Variants in ZNF366 observed in about 807,000 individuals in gnomAD.
ZNF366 encodes the protein dendritic cell-specific transcript protein.
Under a neutral mutation model 47.2 loss-of-function variants are expected in ZNF366, and 20 were observed. That is an observed-to-expected ratio of 0.42 (90% CI 0.30 to 0.62). The LOEUF is 0.62. ZNF366 is among the 20% of genes least tolerant of loss of function. The pLI is 0.16. For synonymous variants in ZNF366, 421 were observed against 395.1 expected, an observed-to-expected ratio of 1.07 and a Z score of -0.78; for missense variants, 987 against 976.3, an observed-to-expected ratio of 1.01 and a Z score of -0.15.
chr5:72,477,873 CA>C (rs997366009), intron 1 of ZNF366, among the ~76,000 whole-genome samples: 57 of 142,980 alleles, frequency 4.0e-4, no homozygotes, highest in Admixed American at 5.6e-4. Context: ...ACTTTATTTA[CA>C]AAAAAAAAAA....
Position 72,483,399 on chromosome 5 carries a change from C to T in ZNF366, c.-14-21889G>A, listed in dbSNP as rs60663798. On this transcript the variant is annotated intron_variant, in intron 1 of 4. Transcript: ENST00000318442. ...CCCAGGGTAACAAGAGACCTATACC[C>T]ACCACTGTGGTGGGTCCCAGATGCT... Among the ~76,000 whole-genome samples, 276 of 152,210 alleles carry T rather than the reference C, an allele frequency of 1.8e-3. 14 individuals carry two copies. In the South Asian group the frequency reaches 0.048, roughly 27 times the overall value.
intron 1 of ZNF366, among the ~76,000 whole-genome samples, chr5:72,470,081 A>C (rs777651470): frequency 9.9e-5 from 15 of 152,230 alleles, no homozygotes; most frequent in Non-Finnish European, 2.2e-4. Context: ...GTAGTCTGCT[A>C]TCAGTGGACA....
chr5:72,453,888 C>T (rs757732738), intron 3 of ZNF366, among the ~76,000 whole-genome samples: 5 of 152,172 alleles, frequency 3.3e-5, no homozygotes, highest in African/African-American at 9.7e-5. Context: ...TTCACAAGAA[C>T]GCCCTTTCAC....
intron 1 of ZNF366, among the ~76,000 whole-genome samples, chr5:72,480,598 C>A (rs964003735): frequency 1.3e-5 from 2 of 152,018 alleles, no homozygotes; most frequent in Admixed American, 6.5e-5. Flanking sequence ...GGGAAATGAA[C>A]CTTTCAAGTT....
At chr5:72,495,878 C>T (rs536927038) in intron 1 of ZNF366, among the ~76,000 whole-genome samples, 2 of 152,306 alleles carry the variant, frequency 1.3e-5, no homozygotes, top group South Asian at 2.1e-4. Flanking sequence ...TGTTTCCTTA[C>T]ATCCCTGTCT....
In ZNF366 at chr5:72,481,122, G is replaced by A. The variant is rs543493190; in HGVS notation, c.-14-19612C>T. The stretch of plus-strand genomic sequence containing the variant: ...AAATAACAGCCGTAATAAAAAGCCC[G>A]TGCAGCCTCATGGTTAGCAAAGAAC... On this transcript the variant is annotated intron_variant, in intron 1 of 4. Coordinates refer to ENST00000318442, the MANE Select transcript of ZNF366 (RefSeq NM_152625.3). Among the ~76,000 whole-genome samples, 6 of 152,258 alleles carry A rather than the reference G, an allele frequency of 3.9e-5. No individual in the cohort carries two copies. In the East Asian group the frequency reaches 5.8e-4, roughly 15 times the overall value.
intron 3 of ZNF366, among the ~76,000 whole-genome samples, chr5:72,451,262 T>C (rs1743064961): frequency 6.6e-6 from 1 of 152,266 alleles, no homozygotes; most frequent in South Asian, 2.1e-4. Context: ...AGGAACACCG[T>C]CAGTGTGTCT....
At chr5:72,501,609 A>G (rs1744211669) in intron 1 of ZNF366, among the ~76,000 whole-genome samples, 1 of 152,212 alleles carries the variant, frequency 6.6e-6, no homozygotes. Flanking sequence ...AATTTACCCC[A>G]TGGTGTTTTG....
In ZNF366 at chr5:72,444,255, G is replaced by C. The variant is rs776345202; in HGVS notation, c.1736C>G (p.Ala579Gly). ...CTGCTCCAGACTCCTCAGGACACCGGCTGTCTGTGCCAGGGCGATTCTCCC... is the reference window on the plus strand; with the variant it reads ...CTGCTCCAGACTCCTCAGGACACCGCCTGTCTGTGCCAGGGCGATTCTCCC... Reference protein sequence around the residue: ...GRGRIALAQTAGVLRSLEQEE... With the variant: ...GRGRIALAQTGGVLRSLEQEE... Residue 579 changes from alanine (A) to glycine (G), a missense_variant, in exon 5 of 5, where the codon GCC (alanine) becomes GGC (glycine). Ala to Gly is a moderately conservative substitution (Grantham distance 60). Coordinates refer to ENST00000318442, the MANE Select transcript of ZNF366 (RefSeq NM_152625.3). 2 of 1,613,340 alleles carry C rather than the reference G, an allele frequency of 1.2e-6. No homozygotes were observed. Among genetic ancestry groups the C allele is most frequent in the Non-Finnish European group, 1.7e-6 (2 of 1,179,912 alleles).
intron 1 of ZNF366, among the ~76,000 whole-genome samples, chr5:72,503,473 C>A (rs1744255321): frequency 6.6e-6 from 1 of 152,026 alleles, no homozygotes; most frequent in South Asian, 2.1e-4. Context: ...CACAGATCAT[C>A]CCATGAAGTG....
At chr5:72,486,501 C>T (rs1277189563) in intron 1 of ZNF366, among the ~76,000 whole-genome samples, 1 of 152,200 alleles carries the variant, frequency 6.6e-6, no homozygotes, top group Non-Finnish European at 1.5e-5. Context: ...CCTACACCAC[C>T]ACACACAAAT....
At chr5:72,487,603 A>G (rs116159540) in intron 1 of ZNF366, among the ~76,000 whole-genome samples, 2,007 of 152,134 alleles carry the variant, frequency 0.013, 33 homozygotes, top group African/African-American at 0.046. Flanking sequence ...CTAGCTGCCA[A>G]GGGTCAACTA....
At chr5:72,462,509 T>TTC (rs1185038173) in intron 1 of ZNF366, among the ~76,000 whole-genome samples, 1 of 64,956 alleles carries the variant, frequency 1.5e-5, no homozygotes, top group Non-Finnish European at 2.6e-5. Context: ...CTTGCCAGTT[T>TTC]TCTTTCTTTC....
At chr5:72,490,721 C>T (rs1387969314) in intron 1 of ZNF366, among the ~76,000 whole-genome samples, 3 of 152,158 alleles carry the variant, frequency 2.0e-5, no homozygotes, top group Non-Finnish European at 4.4e-5. Context: ...CCTGCCCACC[C>T]CCAGCTACCA....
chr5:72,503,951 T>A (rs1744265409), intron 1 of ZNF366, among the ~76,000 whole-genome samples: 1 of 152,218 alleles, frequency 6.6e-6, no homozygotes, highest in Non-Finnish European at 1.5e-5. Context: ...AGTAAAAGTA[T>A]CATTATTACT....
At chr5:72,504,258 T>C (rs1315934463) in intron 1 of ZNF366, among the ~76,000 whole-genome samples, 1 of 151,952 alleles carries the variant, frequency 6.6e-6, no homozygotes. Flanking sequence ...CCTTTCCTCT[T>C]TAGCTGAGTC....
Position 72,444,142 on chromosome 5 carries a change from G to A in ZNF366, c.1849C>T (p.His617Tyr), listed in dbSNP as rs1263750926. The A allele has an allele frequency of 6.2e-7, 1 of 1,613,746 alleles. No individual in the cohort carries two copies. The highest frequency in any genetic ancestry group is 1.3e-5 in the African/African-American group (1 of 75,048). Reference sequence around the variant, plus strand: ...CAGTTATCCTCCTCTTCCTCCTCGTGGCAGTGGCTGCCCTGGGCACTCTCC... The same window carrying A: ...CAGTTATCCTCCTCTTCCTCCTCGTAGCAGTGGCTGCCCTGGGCACTCTCC... ...DGESAQGSHC[H>Y]EEEEEDNCYE... Residue 617 changes from histidine (H) to tyrosine (Y), a missense_variant, in exon 5 of 5, where the codon CAC becomes TAC. By Grantham distance (83) the His-to-Tyr change is moderately conservative. Coordinates refer to ENST00000318442, the MANE Select transcript of ZNF366 (RefSeq NM_152625.3).
intron 1 of ZNF366, among the ~76,000 whole-genome samples, chr5:72,471,692 G>C (rs1417584145): frequency 6.6e-6 from 1 of 152,196 alleles, no homozygotes; most frequent in Non-Finnish European, 1.5e-5. Flanking sequence ...AGATGACTTA[G>C]CTATTCAAAC....
At chr5:72,470,019 TG>T (rs918743560) in intron 1 of ZNF366, among the ~76,000 whole-genome samples, 4 of 152,108 alleles carry the variant, frequency 2.6e-5, no homozygotes, top group Non-Finnish European at 5.9e-5. Context: ...CATTCTAACC[TG>T]GGCAACACAG....
Sources: allele counts gnomAD v4.1 joint callset (sites outside exome capture counted in the v4.1 genomes callset), GRCh38; gene constraint gnomAD v4.1.1; transcripts MANE v1.5; gene names NCBI Gene and HGNC (gene_info 2026-07-23, HGNC 2026-07-21).